The following MACF1 variants were observed in gnomAD, a reference collection of about 807,000 sequenced individuals.
MACF1 encodes microtubule actin crosslinking factor 1.
A neutral mutation model predicts 854.8 loss-of-function variants in MACF1; 193 were observed. The observed-to-expected ratio is 0.23, with a 90% CI of 0.20 to 0.25. MACF1 has a LOEUF of 0.25. Among genes scored for constraint, MACF1 ranks in the 10% least tolerant of loss-of-function variants. The probability of loss-of-function intolerance (pLI) is 1.00; values close to 1 mark genes in which losing one functional copy is unlikely to be tolerated. For synonymous variants in MACF1, 3,185 were observed against 3,226.7 expected (o/e 0.99, Z 0.44); for missense variants, 7,722 against 8,929.1 (o/e 0.86, Z 5.45).
At chr1:39,271,227 G>C (rs1298060075) in intron 6 of MACF1, among the ~76,000 whole-genome samples, 1 of 152,182 alleles carries the variant, frequency 6.6e-6, no homozygotes, top group African/African-American at 2.4e-5. Flanking sequence ...CAGAAAGCAT[G>C]ATGCTGGCAT....
chr1:39,116,114 T>G (rs1468496529), intron 2 of MACF1, among the ~76,000 whole-genome samples: 10 of 152,182 alleles, frequency 6.6e-5, no homozygotes, highest in Non-Finnish European at 1.2e-4. Flanking sequence ...ATGTTTATTT[T>G]AAGTGCTGTT....
chr1:39,336,748 G>A (rs1646817014), intron 37 of MACF1, 95 bp downstream of exon 37: 9 of 1,136,662 alleles, frequency 7.9e-6, no homozygotes, highest in Non-Finnish European at 9.7e-6. Context: ...ATGTGTAATT[G>A]TATGCCTCTA....
chr1:39,174,992 G>A (rs899726497), intron 2 of MACF1, among the ~76,000 whole-genome samples: 1 of 152,190 alleles, frequency 6.6e-6, no homozygotes. Flanking sequence ...TTTATAAACT[G>A]CTACCTTCTT....
At position 39,310,416 on chromosome 1, in the gene MACF1, T is replaced by C; in HGVS notation, c.3088T>C (p.Ser1030Pro). The C allele has an allele frequency of 1.2e-6, 2 of 1,613,938 alleles. No homozygotes were observed. The highest frequency in any genetic ancestry group is 1.7e-6 in the Non-Finnish European group (2 of 1,179,946). ...AGCCCGCTTCCAGCACCTGATGAAGTCCATGGAGAATGGTGTGTGCACTGG... is the reference window on the plus strand; with the variant it reads ...AGCCCGCTTCCAGCACCTGATGAAGCCCATGGAGAATGGTGTGTGCACTGG... ...CKARFQHLMK[S>P]MENEDKEETV... Residue 1030 changes from serine to proline, a missense_variant, in exon 25 of 101, where the codon TCC becomes CCC. Ser to Pro is a moderately conservative substitution (Grantham distance 74). Coordinates refer to ENST00000564288, the MANE Select transcript of MACF1 (RefSeq NM_001394062.1).
At chr1:39,269,799 G>A in intron 6 of MACF1, 1 of 1,137,802 alleles carries the variant, frequency 8.8e-7, no homozygotes, top group Non-Finnish European at 1.1e-6. Flanking sequence ...TGAGTGTGGT[G>A]AGCAGTGAGG....
chr1:39,380,353 A>C lies in MACF1; in HGVS notation c.13628A>C (p.Lys4543Thr). The C allele has an allele frequency of 6.2e-7, 1 of 1,613,402 alleles. No homozygotes were observed. Among genetic ancestry groups the C allele is most frequent in the Non-Finnish European group, 8.5e-7 (1 of 1,179,720 alleles). ...AACTCACAGGAAGCAGAAAATTGGA[A>C]GAAAATTCAGGAAGAACTCAGTAAG... The part of the protein sequence containing the change: ...YPNSQEAENW[K>T]KIQEELNSRW... The change falls in exon 55 of 101, where the codon AAG becomes ACG. Residue 4543 changes from lysine (K) to threonine (T), a missense_variant. This residue lies in a region of MACF1 where 2,807 missense variants were observed against 3,235.8 expected (regional missense o/e 0.87). Coordinates refer to ENST00000564288, the MANE Select transcript of MACF1 (RefSeq NM_001394062.1).
intron 15 of MACF1, among the ~76,000 whole-genome samples, chr1:39,288,660 G>A (rs1162813642): frequency 1.3e-5 from 2 of 151,968 alleles, no homozygotes; most frequent in Non-Finnish European, 2.9e-5. Flanking sequence ...GAATGATGGC[G>A]CGCACCGGTG....
intron 57 of MACF1, among the ~76,000 whole-genome samples, chr1:39,386,178 A>C (rs1440727606): frequency 6.6e-6 from 1 of 152,120 alleles, no homozygotes; most frequent in Non-Finnish European, 1.5e-5. Flanking sequence ...TTCAGTCAGC[A>C]AGTAGAGATT....
chr1:39,482,332 C>T (rs1333049491), intron 99 of MACF1, among the ~76,000 whole-genome samples: 1 of 152,118 alleles, frequency 6.6e-6, no homozygotes, highest in Non-Finnish European at 1.5e-5. Flanking sequence ...CACTTTCTAT[C>T]GCTTATGCTT....
chr1:39,251,926 A>AGAT lies in MACF1; in HGVS notation c.353_355dup (p.Asp118dup). The AGAT allele has an allele frequency of 1.3e-6, 2 of 1,512,046 alleles. No individual in the cohort carries two copies. The highest frequency in any genetic ancestry group is 2.1e-5 in the Admixed American group (1 of 48,708). 93.7% of individuals were successfully genotyped at this position (1,512,046 alleles called of 1,614,324 possible). ...CAAACAACGAGGAGCAGGCGGAGGAAGATGATGATGATGTAGTAGGTCCTC... is the reference window on the plus strand; with the variant it reads ...CAAACAACGAGGAGCAGGCGGAGGAAGATGATGATGATGATGTAGTAGGTCCTC... On this transcript the variant is annotated inframe_insertion, in exon 4 of 101. Coordinates refer to ENST00000564288, the MANE Select transcript of MACF1 (RefSeq NM_001394062.1).
rs1557593294 is a variant in MACF1 at position 39,333,479 on chromosome 1, C to G, written c.6891C>G (p.Ile2297Met). The G allele has an allele frequency of 6.2e-7, 1 of 1,614,116 alleles. No individual in the cohort carries two copies. The highest frequency in any genetic ancestry group is 1.1e-5 in the South Asian group (1 of 91,072). Residue 2297 changes from isoleucine to methionine, a missense_variant, in exon 37 of 101, where the codon ATC (isoleucine) becomes ATG (methionine). This residue lies in a region of MACF1 where 1,531 missense variants were observed against 1,601.6 expected (regional missense o/e 0.96). Coordinates refer to ENST00000564288, the MANE Select transcript of MACF1 (RefSeq NM_001394062.1). ...VLSAQLLDGG[I>M]FHEQTGQKLL... is the part of the protein sequence containing the mutation. ...CTGCACAGTTACTAGATGGTGGTATCTTTCATGAACAAACAGGTCAAAAGC... is the reference window on the plus strand; with the variant it reads ...CTGCACAGTTACTAGATGGTGGTATGTTTCATGAACAAACAGGTCAAAAGC...
Position 39,388,124 on chromosome 1 carries a change from G to C in MACF1, c.15282G>C (p.Glu5094Asp). The C allele has an allele frequency of 6.2e-7, 1 of 1,614,114 alleles. No homozygotes were observed. Among genetic ancestry groups the C allele is most frequent in the Non-Finnish European group, 8.5e-7 (1 of 1,180,026 alleles). The change falls in exon 58 of 101, where the codon GAG (glutamate) becomes GAC (aspartate). Residue 5094 changes from glutamate (E) to aspartate (D), a missense_variant. By Grantham distance (45) the Glu-to-Asp change is conservative. Coordinates refer to ENST00000564288, the MANE Select transcript of MACF1 (RefSeq NM_001394062.1). ...CTTCTCAACTTCTCCACCAAGCTGA[G>C]GTCGCCCAGCAAGAGTTCCTCGAAG... ...SDASQLLHQA[E>D]VAQQEFLEVK...
At chr1:39,432,020 C>CT (rs780308364) in intron 66 of MACF1, among the ~76,000 whole-genome samples, 47 of 152,314 alleles carry the variant, frequency 3.1e-4, no homozygotes, top group African/African-American at 1.1e-3. Context: ...CCTCATGAAA[C>CT]TAACAGTCAC....
intron 2 of MACF1, among the ~76,000 whole-genome samples, chr1:39,139,981 G>A (rs1643302797): frequency 6.6e-6 from 1 of 150,416 alleles, no homozygotes; most frequent in Non-Finnish European, 1.5e-5. Context: ...TAGAGACAAG[G>A]TCTTGGCTGT....
At chr1:39,201,434 C>A (rs181340017), upstream of MACF1, among the ~76,000 whole-genome samples, 125 of 152,132 alleles carry the variant, frequency 8.2e-4, 4 homozygotes, top group East Asian at 0.019. Flanking sequence ...CTCACTGCAA[C>A]CTCCGCCTCC....
At chr1:39,268,415 A>G (rs1055822154) in intron 6 of MACF1, 7 of 1,029,534 alleles carry the variant, frequency 6.8e-6, no homozygotes, top group Non-Finnish European at 8.2e-6. Flanking sequence ...GCTGCAGCCA[A>G]TCCGGTTTCT....
intron 58 of MACF1, among the ~76,000 whole-genome samples, chr1:39,418,682 G>C (rs111844064): frequency 1.2e-4 from 19 of 152,296 alleles, no homozygotes; most frequent in African/African-American, 4.3e-4. Context: ...GGCCAACATG[G>C]TGAAACCCTG....
intron 58 of MACF1, among the ~76,000 whole-genome samples, chr1:39,392,815 T>G (rs1642087027): frequency 6.6e-6 from 1 of 152,172 alleles, no homozygotes. Flanking sequence ...GATTAGTAGG[T>G]CCTCACTGGC....
At chr1:39,120,170 C>G (rs949403376) in intron 2 of MACF1, among the ~76,000 whole-genome samples, 1 of 151,974 alleles carries the variant, frequency 6.6e-6, no homozygotes, top group Non-Finnish European at 1.5e-5. Context: ...AGGCGTGAGC[C>G]ACCGCACCTG....
Sources: allele counts gnomAD v4.1 joint callset (sites outside exome capture counted in the v4.1 genomes callset), GRCh38; gene constraint gnomAD v4.1.1; regional missense constraint gnomAD v4.1.1; transcripts MANE v1.5; gene names NCBI Gene and HGNC (gene_info 2026-07-23, HGNC 2026-07-21).